SCRIB: variants seen among roughly 807,000 people sequenced by gnomAD.
SCRIB encodes the protein protein scribble homolog.
A neutral mutation model predicts 170.0 loss-of-function variants in SCRIB; 72 were observed. That is an observed-to-expected ratio of 0.42 (90% CI 0.35 to 0.52). The LOEUF is 0.52. SCRIB is among the 20% of genes least tolerant of loss of function. The probability of loss-of-function intolerance (pLI) is 0.02; values close to 1 mark genes in which losing one functional copy is unlikely to be tolerated. For missense variants in SCRIB, 2,475 were observed against 2,338.5 expected, an observed-to-expected ratio of 1.06 and a Z score of -1.20; for synonymous variants, 1,298 against 1,044.3, an observed-to-expected ratio of 1.24 and a Z score of -4.68.
chr8:143,812,094 C>T (rs546691592), intron 9 of SCRIB, among the ~76,000 whole-genome samples, 172 bp downstream of exon 9: 48 of 152,282 alleles, frequency 3.2e-4, no homozygotes, highest in Non-Finnish European at 5.6e-4. Context: ...CTCACTGCCC[C>T]GCCTCACCTC....
rs756657007 is a variant in SCRIB, at chr8:143,808,679, G to C, written c.2045C>G (p.Ala682Gly). 3 of 1,542,628 alleles carry C rather than the reference G, an allele frequency of 1.9e-6. No individual in the cohort carries two copies. The highest frequency in any genetic ancestry group is 2.6e-6 in the Non-Finnish European group (3 of 1,147,546). ...EEEEEEEENR[A>G]EEEEASTEEE... ...CTCAGTGCTGGCCTCTTCCTCTTCA[G>C]CCCTGTTTTCCTCCTCCTCCTCTTC... The change falls in exon 15 of 37, where the codon GCT becomes GGT. Residue 682 changes from alanine (A) to glycine (G), a missense_variant. By Grantham distance (60) the Ala-to-Gly change is moderately conservative (BLOSUM62 0). Coordinates refer to ENST00000356994, the MANE Select transcript of SCRIB (RefSeq NM_182706.5).
At chr8:143,794,250 G>C (rs1554633622) in intron 27 of SCRIB, 2 of 437,544 alleles carry the variant, frequency 4.6e-6, no homozygotes, top group African/African-American at 2.0e-5. Flanking sequence ...GAAGAGAGCA[G>C]GGAGGGCTCG....
intron 28 of SCRIB, chr8:143,793,449 G>T: frequency 3.4e-6 from 1 of 298,056 alleles, no homozygotes; most frequent in Non-Finnish European, 6.2e-6. Context: ...GAGAGAGACC[G>T]ACCAACCTGG....
At chr8:143,809,488 C>T (rs558734090) in intron 14 of SCRIB, 63 bp downstream of exon 14, 738 of 1,551,158 alleles carry the variant, frequency 4.8e-4, no homozygotes, top group Non-Finnish European at 6.2e-4. Context: ...GCTGAGGCCC[C>T]GCAGGGGAGG....
intron 2 of SCRIB, 35 bp downstream of exon 2, chr8:143,813,966 C>T: frequency 1.9e-6 from 3 of 1,579,218 alleles, no homozygotes; most frequent in South Asian, 1.1e-5. Context: ...CGGACACTCC[C>T]CAGACCCCAC....
In SCRIB at chr8:143,804,719, G is replaced by T; in HGVS notation, c.2858C>A (p.Pro953His). 1 of 1,586,952 alleles carries T rather than the reference G, an allele frequency of 6.3e-7. No homozygotes were observed. Among genetic ancestry groups the T allele is most frequent in the Non-Finnish European group, 8.6e-7 (1 of 1,166,354 alleles). Residue 953 changes from proline to histidine, a missense_variant, in exon 21 of 37, where the codon CCT becomes CAT. By Grantham distance (77) the Pro-to-His change is moderately conservative. Coordinates refer to ENST00000356994, the MANE Select transcript of SCRIB (RefSeq NM_182706.5). Reference protein sequence around the residue: ...ALLLEREAGGPLPPSPLPHSS... With the variant: ...ALLLEREAGGHLPPSPLPHSS... ...ATGTGGCAGAGGGCTGGGAGGAAGA[G>T]GGCCCCCAGCCTCCCGCTCCAACAG...
chr8:143,803,236 A>C, intron 24 of SCRIB, 147 bp downstream of exon 24: 1 of 769,010 alleles, frequency 1.3e-6, no homozygotes, highest in Non-Finnish European at 2.0e-6. Flanking sequence ...ACAGCTCCCC[A>C]GCCCGCACGG....
intron 8 of SCRIB, 75 bp from the exon 9 acceptor site, chr8:143,812,459 C>T (rs1815782373): frequency 1.7e-6 from 2 of 1,162,230 alleles, no homozygotes; most frequent in Admixed American, 1.7e-5. Context: ...CCAGAAGCGC[C>T]CTCAAGGCAG....
intron 5 of SCRIB, 29 bp downstream of exon 5, chr8:143,813,437 CCTGG>C (rs1341802528): frequency 5.6e-6 from 9 of 1,613,016 alleles, no homozygotes; most frequent in Admixed American, 1.7e-5. Flanking sequence ...GTGGCCCTGC[CCTGG>C]CTGTTAGGAG....
intron 24 of SCRIB, among the ~76,000 whole-genome samples, chr8:143,796,630 C>T (rs1814957776): frequency 6.6e-6 from 1 of 152,212 alleles, no homozygotes; most frequent in African/African-American, 2.4e-5. Flanking sequence ...CAGCTAAACA[C>T]AGAAAGCAAA....
Position 143,808,686 on chromosome 8 carries a change from TTTCCTCCTCCTCCTC to T in SCRIB, c.2023_2037del (p.Glu675_Glu679del), listed in dbSNP as rs772411172. 233 of 1,546,224 alleles carry T rather than the reference TTTCCTCCTCCTCCTC, an allele frequency of 1.5e-4. No individual in the cohort carries two copies. Among genetic ancestry groups the T allele is most frequent in the South Asian group, 2.3e-4 (18 of 78,436 alleles). ...CTGGCCTCTTCCTCTTCAGCCCTGT[TTTCCTCCTCCTCCTC>T]TTCCTCCTCCTCCTGAGGACTACCC... On this transcript the variant is annotated inframe_deletion, in exon 15 of 37. Transcript: ENST00000356994.
chr8:143,814,987 C>T lies in SCRIB; in HGVS notation c.159+227G>A, dbSNP rs1012827753. ...TTCACTCTGAGGCTCCGCCTCCAGG[C>T]TCGGTGACAATCGCTATCCCCAGGC... On this transcript the variant is annotated intron_variant, in intron 1 of 36. Transcript: ENST00000356994. The T allele has an allele frequency of 4.3e-5, 22 of 512,622 alleles. No individual in the cohort carries two copies. The Admixed American group carries it at 7.0e-4, about 16-fold the overall frequency. 31.8% of individuals were successfully genotyped at this position (512,622 alleles called of 1,614,324 possible).
In SCRIB at chr8:143,804,978, C is replaced by T; in HGVS notation, c.2707G>A (p.Ala903Thr). Residue 903 changes from alanine to threonine, a missense_variant, in exon 20 of 37, where the codon GCT (alanine) becomes ACT (threonine). Around this residue, in one of 3 missense-constraint regions of SCRIB, gnomAD observed 1,966 missense variants for 1,742.9 expected, o/e 1.13. Transcript: ENST00000356994. ...ACCTGCAGTGTGCCCGCGCGGTGAG[C>T]AGCACCGCCCTCGGCAATGCGGGAG... ...FVSRIAEGGA[A>T]HRAGTLQVGD... is the part of the protein sequence containing the mutation. 1 of 1,585,258 alleles carries T rather than the reference C, an allele frequency of 6.3e-7. No individual in the cohort carries two copies. Among genetic ancestry groups the T allele is most frequent in the Non-Finnish European group, 8.5e-7 (1 of 1,170,504 alleles).
At position 143,793,940 on chromosome 8, in the gene SCRIB, C is replaced by A; in HGVS notation, c.3869G>T (p.Gly1290Val). ...GGAGCAGGGAGATTCAGCCATCTTC[C>A]CTCCAGCTGCTCCAGACGGTACCTG... ...VQRVPSGAAG[G>V]KMAESPCSPS... Residue 1290 changes from glycine to valine, a missense_variant, in exon 28 of 37, where the codon GGG becomes GTG. Physicochemically the swap from Gly to Val is moderately radical, Grantham distance 109 (BLOSUM62 -3). This residue lies in a region of SCRIB where 1,966 missense variants were observed against 1,742.9 expected (regional missense o/e 1.13). Transcript: ENST00000356994. 6.2e-7 allele frequency: 1 copy of A among 1,613,508 alleles called. No homozygotes were observed.
At chr8:143,806,382 C>G in intron 18 of SCRIB, 25 bp downstream of exon 18, 2 of 1,574,414 alleles carry the variant, frequency 1.3e-6, no homozygotes, top group Non-Finnish European at 1.7e-6. Flanking sequence ...AGCTGCCACT[C>G]GGGGCGGAGA....
At position 143,804,168 on chromosome 8, in the gene SCRIB, G is replaced by A. The variant is rs782433932; in HGVS notation, c.3010-12C>T. The A allele has an allele frequency of 3.1e-6, 5 of 1,591,388 alleles. No individual in the cohort carries two copies. In the East Asian group the frequency reaches 1.1e-4, roughly 36 times the overall value. On this transcript the variant is annotated splice_polypyrimidine_tract_variant and intron_variant, in intron 21 of 36. Transcript: ENST00000356994. Reference sequence around the variant, plus strand: ...GGCAGACGGATCTCCTGGGGATTTAGGGCGGGACAAGGACAGGCCTCGGTC... The same window carrying A: ...GGCAGACGGATCTCCTGGGGATTTAAGGCGGGACAAGGACAGGCCTCGGTC...
Position 143,792,710 on chromosome 8 carries a change from T to G in SCRIB, c.4175A>C (p.Glu1392Ala), listed in dbSNP as rs1384807128. 16 of 1,586,918 alleles carry G rather than the reference T, an allele frequency of 1.0e-5. No homozygotes were observed. The highest frequency in any genetic ancestry group is 1.4e-5 in the Non-Finnish European group (16 of 1,172,454). The part of the protein sequence containing the change: ...ADDLRKMQEE[E>A]ARKLQQKRAQ... The stretch of plus-strand genomic sequence containing the variant: ...CACCCCACTTCCGTGCCCCTCACCT[T>G]CCTCCTCCTGCATCTTCCGCAGGTC... Residue 1392 changes from glutamate (E) to alanine (A), a missense_variant and splice_region_variant, in exon 30 of 37, where the codon GAA (glutamate) becomes GCA (alanine). Around this residue, in one of 3 missense-constraint regions of SCRIB, gnomAD observed 1,966 missense variants for 1,742.9 expected, o/e 1.13. Coordinates refer to ENST00000356994, the MANE Select transcript of SCRIB (RefSeq NM_182706.5).
intron 27 of SCRIB, among the ~76,000 whole-genome samples, chr8:143,794,468 G>T (rs1321013450): frequency 6.6e-6 from 1 of 152,180 alleles, no homozygotes; most frequent in East Asian, 1.9e-4. Flanking sequence ...CGCTGCCTCA[G>T]ATCCAGGCCC....
chr8:143,812,000 A>G (rs1321997735), intron 9 of SCRIB, among the ~76,000 whole-genome samples: 2 of 152,082 alleles, frequency 1.3e-5, no homozygotes, highest in East Asian at 3.8e-4. Flanking sequence ...CCTCTTCTGT[A>G]ACCGCTCCCC....
Sources: allele counts gnomAD v4.1 joint callset (sites outside exome capture counted in the v4.1 genomes callset), GRCh38; gene constraint gnomAD v4.1.1; regional missense constraint gnomAD v4.1.1; transcripts MANE v1.5; gene names NCBI Gene and HGNC (gene_info 2026-07-23, HGNC 2026-07-21).